ROR1: variants seen among roughly 807,000 people sequenced by gnomAD.
ROR1 encodes the protein ROR family WNT receptor 1, also known as inactive tyrosine-protein kinase transmembrane receptor ROR1.
ROR1 carries 19 observed loss-of-function variants against 78.8 expected under a neutral mutation model. That is an observed-to-expected ratio of 0.24 (90% CI 0.17 to 0.35). The LOEUF is 0.35. Ranked by LOEUF, ROR1 falls within the 10% of genes least tolerant of loss-of-function variation. The probability of loss-of-function intolerance (pLI) is 1.00; values close to 1 mark genes in which losing one functional copy is unlikely to be tolerated. For synonymous variants in ROR1, 386 were observed against 433.6 expected (o/e 0.89, Z 1.36); for missense variants, 917 against 1,177.8 (o/e 0.78, Z 3.24).
intron 1 of ROR1, among the ~76,000 whole-genome samples, chr1:63,847,753 A>G (rs1482737653): frequency 6.6e-6 from 1 of 152,208 alleles, no homozygotes; most frequent in Non-Finnish European, 1.5e-5. Context: ...TGATTCCACT[A>G]TTGTTTCCTT....
chr1:63,949,413 G>C (rs1403727568), intron 1 of ROR1, among the ~76,000 whole-genome samples: 1 of 152,146 alleles, frequency 6.6e-6, no homozygotes, highest in African/African-American at 2.4e-5. Context: ...CCTGGCTTGG[G>C]ATAGGCAGGA....
At chr1:63,987,204 A>T (rs1215371859) in intron 1 of ROR1, among the ~76,000 whole-genome samples, 1 of 152,216 alleles carries the variant, frequency 6.6e-6, no homozygotes, top group East Asian at 1.9e-4. Flanking sequence ...TGACTCAGCC[A>T]TAGTTTTGCT....
chr1:64,033,375 A>AGCTG (rs1302971737), intron 2 of ROR1, among the ~76,000 whole-genome samples: 2 of 152,220 alleles, frequency 1.3e-5, no homozygotes, highest in African/African-American at 4.8e-5. Flanking sequence ...CAGATGAGTA[A>AGCTG]ACTGAGGCTC....
chr1:64,115,772 T>C (rs547447324), intron 4 of ROR1, among the ~76,000 whole-genome samples: 2 of 152,266 alleles, frequency 1.3e-5, no homozygotes, highest in African/African-American at 4.8e-5. Context: ...GCTTAGGCAT[T>C]GTGTGGAACT....
chr1:63,854,213 G>A (rs765001067), intron 1 of ROR1, among the ~76,000 whole-genome samples: 3 of 152,110 alleles, frequency 2.0e-5, no homozygotes, highest in Non-Finnish European at 2.9e-5. Context: ...AAAAATATGT[G>A]ACGTATTACT....
At chr1:63,910,713 G>A (rs1199815300) in intron 1 of ROR1, among the ~76,000 whole-genome samples, 2 of 152,148 alleles carry the variant, frequency 1.3e-5, no homozygotes, top group African/African-American at 4.8e-5. Flanking sequence ...AGTCATGTCT[G>A]TGAGGGCTGC....
intron 1 of ROR1, among the ~76,000 whole-genome samples, chr1:63,804,102 TG>T (rs1644814094): frequency 6.6e-6 from 1 of 151,900 alleles, no homozygotes; most frequent in African/African-American, 2.4e-5. Flanking sequence ...GATTAATGGT[TG>T]CCAGGGTTAG....
intron 1 of ROR1, among the ~76,000 whole-genome samples, chr1:63,965,492 C>T (rs1311428238): frequency 6.6e-6 from 1 of 152,070 alleles, no homozygotes; most frequent in Non-Finnish European, 1.5e-5. Context: ...CTTGTTAAAC[C>T]TGTCTTAGCA....
intron 4 of ROR1, among the ~76,000 whole-genome samples, chr1:64,084,672 A>G (rs1647136176): frequency 6.6e-6 from 1 of 152,226 alleles, no homozygotes; most frequent in Admixed American, 6.5e-5. Context: ...AGCTGGCCAC[A>G]TCAGTTTCTT....
chr1:64,016,992 G>A (rs72914943), intron 2 of ROR1, among the ~76,000 whole-genome samples: 4,875 of 151,586 alleles, frequency 0.032, 277 homozygotes, highest in African/African-American at 0.11. Context: ...ATCATGGCTC[G>A]TTGCAGCCTC....
chr1:64,016,088 C>G (rs1646518336), intron 2 of ROR1, among the ~76,000 whole-genome samples: 1 of 152,188 alleles, frequency 6.6e-6, no homozygotes, highest in East Asian at 1.9e-4. Context: ...AACAAGGAAT[C>G]TAGGTTCTAG....
intron 1 of ROR1, chr1:63,788,786 T>C: frequency 1.7e-6 from 1 of 581,532 alleles, no homozygotes. Flanking sequence ...AGGCACTCTT[T>C]ATGGCGCTTG....
chr1:64,086,365 T>G (rs2100638502), intron 4 of ROR1, among the ~76,000 whole-genome samples: 1 of 152,338 alleles, frequency 6.6e-6, no homozygotes, highest in African/African-American at 2.4e-5. Flanking sequence ...AAATAATTCA[T>G]TTGTTCATCC....
At chr1:63,959,016 A>G (rs1646006043) in intron 1 of ROR1, among the ~76,000 whole-genome samples, 1 of 152,218 alleles carries the variant, frequency 6.6e-6, no homozygotes, top group Non-Finnish European at 1.5e-5. Context: ...CACACTGCTA[A>G]TAAAGACATA....
intron 1 of ROR1, among the ~76,000 whole-genome samples, chr1:63,921,922 T>TATA (rs1645658281): frequency 6.6e-6 from 1 of 152,122 alleles, no homozygotes; most frequent in African/African-American, 2.4e-5. Flanking sequence ...AATTAAAAAA[T>TATA]ATAGAGTCTG....
chr1:63,954,390 G>A (rs1645965171), intron 1 of ROR1, among the ~76,000 whole-genome samples: 2 of 152,172 alleles, frequency 1.3e-5, no homozygotes, highest in Admixed American at 1.3e-4. Flanking sequence ...AAGGGAGGCT[G>A]GACAATGTAT....
At chr1:64,075,110 C>T (rs1647038431) in intron 4 of ROR1, among the ~76,000 whole-genome samples, 3 of 152,156 alleles carry the variant, frequency 2.0e-5, no homozygotes, top group Admixed American at 2.0e-4. Context: ...CATTCCTGTG[C>T]TTGATCAAAC....
intron 4 of ROR1, among the ~76,000 whole-genome samples, chr1:64,084,635 G>A (rs1647135875): frequency 6.6e-6 from 1 of 152,204 alleles, no homozygotes; most frequent in African/African-American, 2.4e-5. Flanking sequence ...CTTGTGAAGA[G>A]AAATGCACTG....
chr1:63,904,310 ACAAGGATCTTGCT>A lies in ROR1; in HGVS notation c.92-104989_92-104977del, dbSNP rs542316949. Among the ~76,000 whole-genome samples the A allele has an allele frequency of 7.2e-5, 11 of 152,302 alleles. No individual in the cohort carries two copies. The South Asian group carries it at 2.3e-3, about 32-fold the overall frequency. On this transcript the variant is annotated intron_variant, in intron 1 of 8. Transcript: ENST00000371079. Reference sequence around the variant, plus strand: ...GAGGAGGAAACTGAGGCCCAGATAAACAAGGATCTTGCTCAAGGTCTCATAGCCAGATGTTGGC... The same window carrying A: ...GAGGAGGAAACTGAGGCCCAGATAAACAAGGTCTCATAGCCAGATGTTGGC...
Sources: gnomAD v4.1 joint callset for allele counts (sites outside exome capture counted in the v4.1 genomes callset) on GRCh38, gnomAD v4.1.1 for gene constraint, MANE v1.5 for transcripts, NCBI Gene and HGNC (gene_info 2026-07-23, HGNC 2026-07-21) for gene names.